Variants in OXR1 observed in about 807,000 individuals in gnomAD.
OXR1 encodes the protein oxidation resistance protein 1.
A neutral mutation model predicts 104.6 loss-of-function variants in OXR1; 41 were observed. That is an observed-to-expected ratio of 0.39 (90% CI 0.31 to 0.51). The LOEUF (loss-of-function observed/expected upper bound fraction) is 0.51, where lower values mean the gene tolerates loss of function less well. OXR1 is among the 20% of genes least tolerant of loss of function. The probability of loss-of-function intolerance (pLI) is 0.77; values close to 1 mark genes in which losing one functional copy is unlikely to be tolerated. For missense variants in OXR1, 955 were observed against 1,031.9 expected, an observed-to-expected ratio of 0.93 and a Z score of 1.02; for synonymous variants, 348 against 348.4, an observed-to-expected ratio of 1.00 and a Z score of 0.01.
intron 3 of OXR1, chr8:106,658,249 CGGTCGTGGCGCCGGGCGGG>C (rs1825354412): frequency 8.1e-7 from 1 of 1,227,666 alleles, no homozygotes; most frequent in Non-Finnish European, 1.0e-6. Context: ...GGGGAGGCGG[CGGTCGTGGCGCCGGGCGGG>C]GGTCGCTGCC....
intron 2 of OXR1, among the ~76,000 whole-genome samples, chr8:106,489,408 A>G (rs1563556584): frequency 6.6e-6 from 1 of 152,220 alleles, no homozygotes; most frequent in African/African-American, 2.4e-5. Context: ...AGCAATTGCC[A>G]GGAAAGCTCA....
intron 2 of OXR1, among the ~76,000 whole-genome samples, chr8:106,363,394 A>T (rs1490353909): frequency 6.6e-6 from 1 of 152,240 alleles, no homozygotes; most frequent in Non-Finnish European, 1.5e-5. Flanking sequence ...AAATACAAAT[A>T]CACCTCTTGC....
At chr8:106,510,631 T>C (rs1028874945) in intron 2 of OXR1, among the ~76,000 whole-genome samples, 1 of 152,308 alleles carries the variant, frequency 6.6e-6, no homozygotes, top group African/African-American at 2.4e-5. Flanking sequence ...ATATAATTAT[T>C]ATTATTCTTT....
intron 7 of OXR1, among the ~76,000 whole-genome samples, chr8:106,695,214 C>A (rs1829888291): frequency 6.6e-6 from 1 of 150,878 alleles, no homozygotes; most frequent in East Asian, 1.9e-4. Flanking sequence ...TTATATTTAT[C>A]CACTTACTTA....
chr8:106,336,255 C>G (rs1814958991), intron 1 of OXR1, among the ~76,000 whole-genome samples: 1 of 152,194 alleles, frequency 6.6e-6, no homozygotes, highest in Non-Finnish European at 1.5e-5. Context: ...CAGTGCAGAA[C>G]AGGAGTAGCC....
At chr8:106,397,062 C>T (rs1490910785) in intron 2 of OXR1, among the ~76,000 whole-genome samples, 3 of 151,940 alleles carry the variant, frequency 2.0e-5, no homozygotes, top group Non-Finnish European at 4.4e-5. Flanking sequence ...GTAAATTATT[C>T]ATATTGCATT....
At chr8:106,311,228 A>G (rs2130132287) in intron 1 of OXR1, among the ~76,000 whole-genome samples, 1 of 152,110 alleles carries the variant, frequency 6.6e-6, no homozygotes, top group Admixed American at 6.5e-5. Context: ...TTTTAATAGT[A>G]TCCTGTTCTT....
In OXR1 at chr8:106,628,558, C is replaced by T. The variant is rs540301972; in HGVS notation, c.221-50652C>T. ...TGGCACATTTCCTAGTGTACAATTC[C>T]ATTTGATTAAATATTCATTTTTTAA... On this transcript the variant is annotated intron_variant, in intron 3 of 16. Coordinates refer to ENST00000517566, the MANE Select transcript of OXR1 (RefSeq NM_001198533.2). Among the ~76,000 whole-genome samples the T allele has an allele frequency of 4.6e-5, 7 of 152,238 alleles. No individual in the cohort carries two copies. In the South Asian group the frequency reaches 1.5e-3, roughly 32 times the overall value.
chr8:106,434,465 A>T (rs966533025), intron 2 of OXR1, among the ~76,000 whole-genome samples: 2 of 152,204 alleles, frequency 1.3e-5, no homozygotes, highest in Non-Finnish European at 2.9e-5. Flanking sequence ...GACAGTTTCC[A>T]AAAGAATAGT....
At chr8:106,358,454 C>T (rs1299722160) in intron 1 of OXR1, among the ~76,000 whole-genome samples, 1 of 152,082 alleles carries the variant, frequency 6.6e-6, no homozygotes, top group Non-Finnish European at 1.5e-5. Context: ...CCTGTATGTG[C>T]CTTTATTAGA....
intron 3 of OXR1, among the ~76,000 whole-genome samples, chr8:106,547,492 C>CTT (rs60073341): frequency 0.17 from 19,242 of 116,352 alleles, 1,538 homozygotes; most frequent in East Asian, 0.23. Flanking sequence ...TTCTTTCTTT[C>CTT]TTTTTTTTTT....
chr8:106,382,682 G>GTTTTT (rs35296978), intron 2 of OXR1, among the ~76,000 whole-genome samples: 2 of 86,188 alleles, frequency 2.3e-5, no homozygotes, highest in African/African-American at 4.3e-5. Flanking sequence ...AGAACTATAG[G>GTTTTT]TTTTTTTTTT....
chr8:106,293,259 A>G (rs1586482946), intron 1 of OXR1, among the ~76,000 whole-genome samples: 1 of 152,170 alleles, frequency 6.6e-6, no homozygotes, highest in East Asian at 1.9e-4. Context: ...CCATGGCAAG[A>G]TTCTTTCAAG....
chr8:106,388,616 G>T (rs943277561), intron 2 of OXR1, among the ~76,000 whole-genome samples: 1 of 152,260 alleles, frequency 6.6e-6, no homozygotes, highest in African/African-American at 2.4e-5. Flanking sequence ...TAGAGACGGG[G>T]TTTCACTATG....
chr8:106,302,441 C>T (rs1252089160), intron 1 of OXR1, among the ~76,000 whole-genome samples: 2 of 151,836 alleles, frequency 1.3e-5, no homozygotes, highest in Non-Finnish European at 2.9e-5. Flanking sequence ...AGAAATTAAG[C>T]CCGGCGTGGT....
intron 3 of OXR1, among the ~76,000 whole-genome samples, chr8:106,645,995 C>A (rs150385527): frequency 3.9e-5 from 6 of 152,086 alleles, no homozygotes; most frequent in Admixed American, 6.5e-5. Context: ...ACAACAACAA[C>A]AAAAAACTAC....
intron 2 of OXR1, among the ~76,000 whole-genome samples, chr8:106,450,375 T>C (rs1184711481): frequency 6.6e-6 from 1 of 152,198 alleles, no homozygotes; most frequent in Non-Finnish European, 1.5e-5. Context: ...GTTTAGATTC[T>C]TTGTAGCAAA....
chr8:106,549,270 A>G (rs1015269367), intron 3 of OXR1, among the ~76,000 whole-genome samples: 1 of 147,154 alleles, frequency 6.8e-6, no homozygotes, highest in Admixed American at 6.8e-5. Context: ...GCAGTTAGCT[A>G]CATCCTTATC....
intron 3 of OXR1, among the ~76,000 whole-genome samples, chr8:106,603,813 G>A (rs548095403): frequency 1.4e-4 from 22 of 152,284 alleles, no homozygotes; most frequent in Middle Eastern, 3.4e-3. Flanking sequence ...AGTAATTTGG[G>A]AGGCTGAGGC....
Sources: gnomAD v4.1 joint callset for allele counts (sites outside exome capture counted in the v4.1 genomes callset) on GRCh38, gnomAD v4.1.1 for gene constraint, MANE v1.5 for transcripts, NCBI Gene and HGNC (gene_info 2026-07-23, HGNC 2026-07-21) for gene names.